The following ZNF529 variants were observed in gnomAD, a reference collection of about 807,000 sequenced individuals.
ZNF529 encodes zinc finger protein 529.
ZNF529 carries 11 observed loss-of-function variants against 10.1 expected under a neutral mutation model. That is an observed-to-expected ratio of 1.09 (90% confidence interval 0.69 to 1.81). The LOEUF (loss-of-function observed/expected upper bound fraction) is 1.81, where lower values mean the gene tolerates loss of function less well. ZNF529 is among the 40% of genes most tolerant of loss of function. The pLI, the probability that ZNF529 is intolerant of heterozygous loss-of-function variation, is 0.00. For synonymous variants in ZNF529, 204 were observed against 215.7 expected (o/e 0.95, Z 0.47); for missense variants, 624 against 666.8 (o/e 0.94, Z 0.71).
rs2035038291 is a variant in ZNF529 at position 36,546,780 on chromosome 19, A to G, written c.*86T>C. 1.4e-6 allele frequency: 2 copies of G among 1,401,886 alleles called. No individual in the cohort carries two copies. The highest frequency in any genetic ancestry group is 2.9e-5 in the African/African-American group (2 of 69,444). 86.8% of individuals were successfully genotyped at this position (1,401,886 alleles called of 1,614,324 possible). A position where few individuals can be genotyped will look rare whatever the true frequency, so the allele number is the denominator to read the frequency against. On this transcript the variant is annotated 3_prime_UTR_variant, in exon 5 of 5. Transcript: ENST00000591340. ...AAAACAGACTTTAAGAGAGGGAGAT[A>G]CTGAATTGCCTTGATTACCTATTAA...
upstream of ZNF529, chr19:36,577,219 C>G (rs1365002082): frequency 2.2e-6 from 1 of 452,944 alleles, no homozygotes; most frequent in South Asian, 1.6e-5. Flanking sequence ...CTTGACCTCC[C>G]AAAGTGCTAG....
At chr19:36,574,973 G>T, upstream of ZNF529, 1 of 463,912 alleles carries the variant, frequency 2.2e-6, no homozygotes, top group Non-Finnish European at 4.4e-6. Context: ...GTGTGTGTGA[G>T]ATTGTGTAAC....
chr19:36,556,731 G>T lies in ZNF529; in HGVS notation c.15-534C>A, dbSNP rs142195790. Among the ~76,000 whole-genome samples, 401 of 152,278 alleles carry T rather than the reference G, an allele frequency of 2.6e-3. 2 individuals carry two copies. Among genetic ancestry groups the T allele is most frequent in the Non-Finnish European group, 4.1e-3 (276 of 68,016 alleles). On this transcript the variant is annotated intron_variant, in intron 2 of 4. Coordinates refer to ENST00000591340, the MANE Select transcript of ZNF529 (RefSeq NM_020951.5). ...CAAGCACTCAGCTCCTAAAGCAGGGGAATCACTCAGAGAGATGCACGCCAT... is the reference window on the plus strand; with the variant it reads ...CAAGCACTCAGCTCCTAAAGCAGGGTAATCACTCAGAGAGATGCACGCCAT...
At position 36,544,160 on chromosome 19, in the gene ZNF529, G is replaced by C. The variant is rs2034931762; in HGVS notation, c.*2706C>G. 2 of 152,180 alleles carry C rather than the reference G, an allele frequency of 1.3e-5. No homozygotes were observed. Among genetic ancestry groups the C allele is most frequent in the East Asian group, 3.9e-4 (2 of 5,174 alleles). The allele number at this position is 152,180 out of a possible 1,614,324, so 9.4% of individuals were successfully genotyped here. ...AAGAATGGTGAAGTTTTATGTTTTT[G>C]AGTAAAAATAGTAAAAACCAAACAG... On this transcript the variant is annotated 3_prime_UTR_variant, in exon 5 of 5. Coordinates refer to ENST00000591340, the MANE Select transcript of ZNF529 (RefSeq NM_020951.5).
intron 1 of ZNF529, among the ~76,000 whole-genome samples, chr19:36,600,889 G>A (rs1489409442): frequency 2.0e-5 from 3 of 152,162 alleles, no homozygotes; most frequent in African/African-American, 7.2e-5. Flanking sequence ...GTCAACTATT[G>A]AAAAAGTTAA....
chr19:36,590,349 C>G (rs1313583217), intron 1 of ZNF529, among the ~76,000 whole-genome samples: 1 of 151,924 alleles, frequency 6.6e-6, no homozygotes, highest in Admixed American at 6.6e-5. Flanking sequence ...CACTCCAGCC[C>G]AGGTGGCAGA....
chr19:36,548,016 C>A lies in ZNF529; in HGVS notation c.542G>T (p.Ser181Ile). 1 of 1,613,868 alleles carries A rather than the reference C, an allele frequency of 6.2e-7. No homozygotes were observed. The highest frequency in any genetic ancestry group is 1.7e-5 in the Admixed American group (1 of 60,020). The change falls in exon 5 of 5, where the codon AGT (serine) becomes ATT (isoleucine). Residue 181 changes from serine to isoleucine, a missense_variant. Ser to Ile is a moderately radical substitution (Grantham distance 142). Coordinates refer to ENST00000591340, the MANE Select transcript of ZNF529 (RefSeq NM_020951.5). ...YEYKEYEKVF[S>I]CDLEFDEYQK... is the part of the protein sequence containing the mutation. ...ATATTCATCAAACTCTAAGTCACAA[C>A]TGAAGACCTTCTCATATTCCTTGTA... is the stretch of plus-strand genomic sequence containing the variant.
At position 36,572,506 on chromosome 19, in the gene ZNF529, A is replaced by AG. The variant is rs1287939097; in HGVS notation, c.-46-115dup. 27 of 775,572 alleles carry AG rather than the reference A, an allele frequency of 3.5e-5. No homozygotes were observed. The East Asian group carries it at 7.1e-4, about 20-fold the overall frequency. The allele number at this position is 775,572 out of a possible 1,614,324, so 48.0% of individuals were successfully genotyped here. On this transcript the variant is annotated intron_variant, in intron 1 of 4. Transcript: ENST00000591340. ...CACAACAAACACACCCAGATCGAAG[A>AG]GGGAAACTAGAATACTGTCGACTCC...
At chr19:36,587,233 C>T (rs1018580421) in intron 2 of ZNF529, among the ~76,000 whole-genome samples, 2 of 149,408 alleles carry the variant, frequency 1.3e-5, no homozygotes, top group Non-Finnish European at 3.0e-5. Context: ...CCACTGTACT[C>T]GAGCCTGGGT....
intron 4 of ZNF529, among the ~76,000 whole-genome samples, chr19:36,549,459 A>G (rs1269091250): frequency 6.6e-6 from 1 of 152,232 alleles, no homozygotes; most frequent in African/African-American, 2.4e-5. Flanking sequence ...AAGTCACTAG[A>G]AAACAATAAT....
upstream of ZNF529, among the ~76,000 whole-genome samples, chr19:36,576,080 C>CTCT (rs1478818239): frequency 6.6e-6 from 1 of 152,052 alleles, no homozygotes; most frequent in African/African-American, 2.4e-5. Flanking sequence ...AACTGCTGAC[C>CTCT]TCTTGATCCA....
Position 36,554,684 on chromosome 19 carries a change from T to C in ZNF529, c.221A>G (p.Asn74Ser), listed in dbSNP as rs1415511519. 11 of 1,564,826 alleles carry C rather than the reference T, an allele frequency of 7.0e-6. No individual in the cohort carries two copies. The highest frequency in any genetic ancestry group is 8.7e-6 in the Non-Finnish European group (10 of 1,153,412). ...YWDVMMENYS[N>S]LLSLDLESRN... Reference sequence around the variant, plus strand: ...GATAAATTTACCCAGTGAGAGTAAGTTGCTGTAGTTCTCCATCATCACATC... The same window carrying C: ...GATAAATTTACCCAGTGAGAGTAAGCTGCTGTAGTTCTCCATCATCACATC... The change falls in exon 4 of 5, where the codon AAC (asparagine) becomes AGC (serine). Residue 74 changes from asparagine to serine, a missense_variant. Coordinates refer to ENST00000591340, the MANE Select transcript of ZNF529 (RefSeq NM_020951.5).
At chr19:36,592,125 A>G (rs560564007) in intron 1 of ZNF529, among the ~76,000 whole-genome samples, 43 of 151,574 alleles carry the variant, frequency 2.8e-4, no homozygotes, top group Non-Finnish European at 5.5e-4. Context: ...AAATACAGAA[A>G]AAAAAAAAAA....
At chr19:36,572,123 T>C (rs2036139725) in intron 2 of ZNF529, among the ~76,000 whole-genome samples, 1 of 150,942 alleles carries the variant, frequency 6.6e-6, no homozygotes, top group Non-Finnish European at 1.5e-5. Flanking sequence ...CTCCAGGAGT[T>C]GTATTTCTAT....
intron 2 of ZNF529, among the ~76,000 whole-genome samples, chr19:36,566,006 G>T (rs1329755466): frequency 6.6e-6 from 1 of 152,174 alleles, no homozygotes; most frequent in African/African-American, 2.4e-5. Context: ...TTGAGACAGG[G>T]TCTCACTCTT....
intron 1 of ZNF529, chr19:36,594,841 A>C (rs2036806023): frequency 6.6e-6 from 1 of 151,998 alleles, no homozygotes; most frequent in South Asian, 2.1e-4. Context: ...CAGCCAACCC[A>C]ACTGCTTCTA....
rs753052212 is a variant in ZNF529 at position 36,547,769 on chromosome 19, A to G, written c.789T>C (p.Phe263=). 7 of 1,613,040 alleles carry G rather than the reference A, an allele frequency of 4.3e-6. No individual in the cohort carries two copies. The highest frequency in any genetic ancestry group is 4.2e-6 in the Non-Finnish European group (5 of 1,179,630). ...GTGGAGTAACTTTTCCAACTCTTTC[A>G]AAGGTCCTTCTGTATTCCTTACATT... is the stretch of plus-strand genomic sequence containing the variant. ...FYKCKEYRRT[F]ERVGKVTPLQ... is the part of the protein sequence containing the mutation. The change falls in exon 5 of 5, where the codon TTT becomes TTC. Residue 263 remains phenylalanine (F), a synonymous_variant. Transcript: ENST00000591340.
chr19:36,585,176 A>T (rs2036553722), intron 2 of ZNF529, among the ~76,000 whole-genome samples: 1 of 152,176 alleles, frequency 6.6e-6, no homozygotes, highest in Non-Finnish European at 1.5e-5. Flanking sequence ...CAAACCCAAC[A>T]CTAAACATGG....
intron 2 of ZNF529, chr19:36,582,531 C>G (rs1240690227): frequency 6.6e-6 from 1 of 151,724 alleles, no homozygotes; most frequent in African/African-American, 2.4e-5. Context: ...TGGTGAAACC[C>G]CATCTCTACT....
Sources: allele counts gnomAD v4.1 joint callset (sites outside exome capture counted in the v4.1 genomes callset), GRCh38; gene constraint gnomAD v4.1.1; transcripts MANE v1.5; gene names NCBI Gene and HGNC (gene_info 2026-07-23, HGNC 2026-07-21).